The following RBFOX1 variants were observed in gnomAD, a reference collection of about 807,000 sequenced individuals.
RBFOX1 encodes the protein RNA binding protein fox-1 homolog 1.
A neutral mutation model predicts 57.7 loss-of-function variants in RBFOX1; 8 were observed. The observed-to-expected ratio is 0.14, with a 90% confidence interval of 0.08 to 0.25. The LOEUF (loss-of-function observed/expected upper bound fraction) is 0.25, where lower values mean the gene tolerates loss of function less well. RBFOX1 is among the 10% of genes least tolerant of loss of function. The pLI is 1.00. For synonymous variants in RBFOX1, 326 were observed against 222.4 expected (o/e 1.47, Z -4.15); for missense variants, 611 against 548.5 (o/e 1.11, Z -1.14).
At chr16:5,988,066 A>G (rs1274923401) in intron 4 of RBFOX1, among the ~76,000 whole-genome samples, 2 of 152,204 alleles carry the variant, frequency 1.3e-5, no homozygotes, top group Non-Finnish European at 2.9e-5. Flanking sequence ...GGCTGTCTCT[A>G]CATACATGTG....
intron 4 of RBFOX1, among the ~76,000 whole-genome samples, chr16:7,462,482 C>G (rs1455938868): frequency 1.3e-5 from 2 of 152,226 alleles, no homozygotes; most frequent in African/African-American, 4.8e-5. Flanking sequence ...CACAGCAAAA[C>G]TCTGTTTCAA....
chr16:5,363,919 G>C (rs473724), intron 1 of RBFOX1, among the ~76,000 whole-genome samples: 151,983 of 152,322 alleles, frequency 1, 75,826 homozygotes, highest in Non-Finnish European at 1. Context: ...CTGAGCTCTC[G>C]CCTGGAACCA....
intron 4 of RBFOX1, among the ~76,000 whole-genome samples, chr16:5,892,258 G>A (rs932952747): frequency 6.6e-6 from 1 of 152,298 alleles, no homozygotes; most frequent in African/African-American, 2.4e-5. Context: ...GACTTGGCGG[G>A]GTTGAGGGGA....
chr16:5,589,272 A>G (rs1226775071), intron 2 of RBFOX1, among the ~76,000 whole-genome samples: 1 of 152,100 alleles, frequency 6.6e-6, no homozygotes. Flanking sequence ...GTTCCTTTGC[A>G]TGGTTTGTAC....
intron 1 of RBFOX1, among the ~76,000 whole-genome samples, chr16:6,047,334 C>T (rs541105251): frequency 5.9e-5 from 9 of 152,264 alleles, no homozygotes; most frequent in African/African-American, 1.9e-4. Flanking sequence ...GGCAGGATGC[C>T]GTGCATGAGG....
At chr16:6,750,084 G>A (rs974162161) in intron 3 of RBFOX1, among the ~76,000 whole-genome samples, 2 of 152,154 alleles carry the variant, frequency 1.3e-5, no homozygotes. Flanking sequence ...TTCAGTCGAG[G>A]TGTATAGGGT....
intron 2 of RBFOX1, among the ~76,000 whole-genome samples, chr16:6,351,882 C>T (rs1434663748): frequency 6.6e-6 from 1 of 152,120 alleles, no homozygotes; most frequent in Non-Finnish European, 1.5e-5. Context: ...AACCTACCTA[C>T]AAGATATGCA....
chr16:6,865,171 T>C (rs1221593379), intron 3 of RBFOX1, among the ~76,000 whole-genome samples: 1 of 151,710 alleles, frequency 6.6e-6, no homozygotes, highest in Non-Finnish European at 1.5e-5. Flanking sequence ...CCTGGGTAAT[T>C]TTTGTACTTT....
chr16:6,946,399 G>A (rs528756248), intron 3 of RBFOX1, among the ~76,000 whole-genome samples: 1 of 152,294 alleles, frequency 6.6e-6, no homozygotes, highest in South Asian at 2.1e-4. Flanking sequence ...CATAAAGCAA[G>A]CTCTACGCTT....
At chr16:6,298,995 T>G (rs1368358716) in intron 1 of RBFOX1, among the ~76,000 whole-genome samples, 3 of 152,210 alleles carry the variant, frequency 2.0e-5, no homozygotes, top group Non-Finnish European at 4.4e-5. Context: ...ATCAGGATCT[T>G]GACCCCTTTC....
At chr16:7,300,294 G>C (rs181549408) in intron 4 of RBFOX1, among the ~76,000 whole-genome samples, 3 of 152,222 alleles carry the variant, frequency 2.0e-5, no homozygotes, top group Admixed American at 1.3e-4. Context: ...TGCCGACCTG[G>C]GGGCTAGAAC....
At chr16:7,471,383 T>C (rs571745354) in intron 4 of RBFOX1, among the ~76,000 whole-genome samples, 1 of 152,274 alleles carries the variant, frequency 6.6e-6, no homozygotes, top group South Asian at 2.1e-4. Context: ...TACATACACT[T>C]ATACATTTTG....
intron 4 of RBFOX1, among the ~76,000 whole-genome samples, chr16:7,367,868 G>A (rs187691947): frequency 1.8e-4 from 26 of 141,794 alleles, no homozygotes; most frequent in Admixed American, 1.4e-3. Flanking sequence ...GCATGAGCAC[G>A]TGCACACATG....
chr16:5,334,312 C>G (rs1265056843), intron 1 of RBFOX1, among the ~76,000 whole-genome samples: 2 of 152,052 alleles, frequency 1.3e-5, no homozygotes, highest in Non-Finnish European at 2.9e-5. Flanking sequence ...ATGGTCATGC[C>G]GATGTTAGCC....
At chr16:6,082,541 T>C (rs1483691093) in intron 1 of RBFOX1, among the ~76,000 whole-genome samples, 1 of 151,748 alleles carries the variant, frequency 6.6e-6, no homozygotes, top group East Asian at 2.0e-4. Flanking sequence ...TGCTTGTCTT[T>C]TCCCTTTCAA....
chr16:7,361,061 A>T (rs563426156), intron 4 of RBFOX1, among the ~76,000 whole-genome samples: 6 of 152,330 alleles, frequency 3.9e-5, no homozygotes, highest in Admixed American at 2.6e-4. Context: ...AGATGTTTGT[A>T]AACTCTGCCT....
chr16:6,742,886 A>T (rs1240523117), intron 3 of RBFOX1, among the ~76,000 whole-genome samples: 1 of 152,182 alleles, frequency 6.6e-6, no homozygotes, highest in Non-Finnish European at 1.5e-5. Flanking sequence ...GTGGTGAATT[A>T]GTTCTGTATT....
At chr16:5,573,165 T>G (rs1018493884) in intron 2 of RBFOX1, among the ~76,000 whole-genome samples, 1 of 152,070 alleles carries the variant, frequency 6.6e-6, no homozygotes, top group African/African-American at 2.4e-5. Context: ...GAGGACATAA[T>G]GAAGATTGGA....
intron 2 of RBFOX1, among the ~76,000 whole-genome samples, chr16:5,529,174 C>G (rs923729168): frequency 2.6e-5 from 4 of 152,106 alleles, no homozygotes; most frequent in African/African-American, 9.7e-5. Context: ...CTTGGCCTTA[C>G]TTGCCCCACC....
Sources: allele counts gnomAD v4.1 joint callset (sites outside exome capture counted in the v4.1 genomes callset), GRCh38; gene constraint gnomAD v4.1.1; transcripts MANE v1.5; gene names NCBI Gene and HGNC (gene_info 2026-07-23, HGNC 2026-07-21).